MARCHF1: variants seen among roughly 807,000 people sequenced by gnomAD.
MARCHF1 encodes membrane associated ring-CH-type finger 1.
MARCHF1 carries 40 observed loss-of-function variants against 54.2 expected under a neutral mutation model. The observed-to-expected ratio is 0.74, with a 90% CI of 0.57 to 0.96. The LOEUF is 0.96. MARCHF1 is among the 40% of genes least tolerant of loss of function. The pLI, the probability that MARCHF1 is intolerant of heterozygous loss-of-function variation, is 0.00. For missense variants in MARCHF1, 586 were observed against 656.5 expected, an observed-to-expected ratio of 0.89 and a Z score of 1.17; for synonymous variants, 236 against 236.3, an observed-to-expected ratio of 1.00 and a Z score of 0.01.
intron 3 of MARCHF1, among the ~76,000 whole-genome samples, chr4:163,879,804 C>CGTGTAT (rs1553960441): frequency 0.018 from 2,708 of 148,482 alleles, 74 homozygotes; most frequent in African/African-American, 0.062. Flanking sequence ...GATTTAGAGG[C>CGTGTAT]GTGTGTGTGT....
intron 2 of MARCHF1, among the ~76,000 whole-genome samples, chr4:164,099,573 C>T (rs1050804619): frequency 6.6e-6 from 1 of 151,974 alleles, no homozygotes; most frequent in Non-Finnish European, 1.5e-5. Flanking sequence ...TATTAGAAAG[C>T]AATGAAGCAT....
intron 1 of MARCHF1, among the ~76,000 whole-genome samples, chr4:164,291,638 C>G (rs928888044): frequency 1.2e-4 from 19 of 152,114 alleles, no homozygotes; most frequent in African/African-American, 4.6e-4. Context: ...TATGGTATAG[C>G]CTATTGCTCC....
chr4:164,348,711 A>C (rs557205663), intron 1 of MARCHF1, among the ~76,000 whole-genome samples: 1 of 152,286 alleles, frequency 6.6e-6, no homozygotes, highest in Non-Finnish European at 1.5e-5. Context: ...GAAAAACAGC[A>C]AAGGAAACAG....
At chr4:163,618,699 G>A (rs560417423) in intron 5 of MARCHF1, among the ~76,000 whole-genome samples, 2 of 152,134 alleles carry the variant, frequency 1.3e-5, no homozygotes, top group South Asian at 2.1e-4. Context: ...TTTCACTGTC[G>A]ATTCATTTGC....
intron 4 of MARCHF1, among the ~76,000 whole-genome samples, chr4:163,817,869 C>T (rs1039859401): frequency 6.8e-6 from 1 of 146,316 alleles, no homozygotes; most frequent in African/African-American, 2.6e-5. Flanking sequence ...GGACAAAAAA[C>T]CAAACACCGC....
chr4:163,868,150 G>A (rs1750095313), intron 3 of MARCHF1, among the ~76,000 whole-genome samples: 1 of 151,632 alleles, frequency 6.6e-6, no homozygotes, highest in Non-Finnish European at 1.5e-5. Flanking sequence ...ATATCTCCAG[G>A]ACCAAGAACA....
chr4:163,986,246 CTTCTT>C (rs1752861755), intron 3 of MARCHF1, among the ~76,000 whole-genome samples: 3 of 73,774 alleles, frequency 4.1e-5, no homozygotes, highest in African/African-American at 9.0e-5. Flanking sequence ...TAATTAACCT[CTTCTT>C]TTTTTTTTTT....
At chr4:163,544,957 A>C (rs1458661695) in intron 9 of MARCHF1, among the ~76,000 whole-genome samples, 1 of 152,218 alleles carries the variant, frequency 6.6e-6, no homozygotes, top group African/African-American at 2.4e-5. Flanking sequence ...GTCCTTTCAC[A>C]CATGAAAATA....
intron 5 of MARCHF1, among the ~76,000 whole-genome samples, chr4:163,636,510 A>G (rs954416605): frequency 3.4e-5 from 5 of 148,646 alleles, no homozygotes; most frequent in Non-Finnish European, 6.0e-5. Flanking sequence ...TTCAAAGAGA[A>G]TAAAATACCT....
chr4:164,197,469 T>C (rs777703817), intron 1 of MARCHF1: 7 of 1,613,600 alleles, frequency 4.3e-6, no homozygotes, highest in Non-Finnish European at 8.5e-7. Flanking sequence ...TTGGACACTT[T>C]TCTGCCAATA....
At position 163,526,536 on chromosome 4, in the gene MARCHF1, G is replaced by A. The variant is rs190457316; in HGVS notation, c.*2212C>T. The A allele has an allele frequency of 1.3e-5, 2 of 152,082 alleles. No individual in the cohort carries two copies. The highest frequency in any genetic ancestry group is 6.6e-5 in the Admixed American group (1 of 15,256). The allele number at this position is 152,082 out of a possible 1,614,324, so 9.4% of individuals were successfully genotyped here. Reference sequence around the variant, plus strand: ...AAATTGCATTAAGGTTAATCCCTTGGATATGGTGCCATGGTTAAATCACCC... The same window carrying A: ...AAATTGCATTAAGGTTAATCCCTTGAATATGGTGCCATGGTTAAATCACCC... On this transcript the variant is annotated 3_prime_UTR_variant, in exon 10 of 10. Transcript: ENST00000514618.
At chr4:163,932,496 C>T in intron 3 of MARCHF1, 1 of 362,328 alleles carries the variant, frequency 2.8e-6, no homozygotes, top group Non-Finnish European at 5.4e-6. Context: ...AATTCCATCT[C>T]AACAAACTAC....
At chr4:163,769,135 T>G (rs1747077891) in intron 4 of MARCHF1, among the ~76,000 whole-genome samples, 1 of 152,176 alleles carries the variant, frequency 6.6e-6, no homozygotes, top group Admixed American at 6.5e-5. Flanking sequence ...GGTAAGTTTC[T>G]GTTACCTACA....
intron 4 of MARCHF1, among the ~76,000 whole-genome samples, chr4:163,740,329 C>G (rs897425799): frequency 2.6e-5 from 4 of 152,178 alleles, no homozygotes; most frequent in African/African-American, 9.7e-5. Flanking sequence ...GAACTGTGAA[C>G]ATAGTGAGAT....
intron 1 of MARCHF1, among the ~76,000 whole-genome samples, chr4:164,191,173 C>T (rs1450696507): frequency 2.0e-5 from 3 of 152,254 alleles, no homozygotes; most frequent in Non-Finnish European, 4.4e-5. Flanking sequence ...GATTGAACGT[C>T]GATGCAAAAT....
At chr4:164,034,639 T>C (rs550095617) in intron 2 of MARCHF1, among the ~76,000 whole-genome samples, 5 of 152,106 alleles carry the variant, frequency 3.3e-5, no homozygotes, top group Non-Finnish European at 5.9e-5. Context: ...TGTGTGTATA[T>C]ATATATATAA....
intron 5 of MARCHF1, among the ~76,000 whole-genome samples, chr4:163,637,253 C>A (rs62334287): frequency 0.022 from 3,408 of 152,076 alleles, 94 homozygotes; most frequent in South Asian, 0.072. Flanking sequence ...AATGGGATCT[C>A]ATTAAACTAA....
intron 5 of MARCHF1, among the ~76,000 whole-genome samples, chr4:163,669,669 G>A (rs1743662600): frequency 6.6e-6 from 1 of 151,328 alleles, no homozygotes; most frequent in Non-Finnish European, 1.5e-5. Flanking sequence ...CACAATCTTG[G>A]CTCACTACAA....
chr4:163,929,494 C>A (rs1751607600), intron 3 of MARCHF1, among the ~76,000 whole-genome samples: 1 of 151,954 alleles, frequency 6.6e-6, no homozygotes, highest in Admixed American at 6.6e-5. Context: ...ATTGACTTAA[C>A]AATTTTTTCA....
Sources: gnomAD v4.1 joint callset for allele counts (sites outside exome capture counted in the v4.1 genomes callset) on GRCh38, gnomAD v4.1.1 for gene constraint, MANE v1.5 for transcripts, NCBI Gene and HGNC (gene_info 2026-07-23, HGNC 2026-07-21) for gene names.